The following SCAPER variants were observed in gnomAD, a reference collection of about 807,000 sequenced individuals.
The protein encoded by SCAPER is S phase cyclin A-associated protein in the endoplasmic reticulum.
Under a neutral mutation model 182.2 loss-of-function variants are expected in SCAPER, and 98 were observed. The observed-to-expected ratio is 0.54, with a 90% confidence interval of 0.46 to 0.64. The LOEUF (loss-of-function observed/expected upper bound fraction) is 0.64, where lower values mean the gene tolerates loss of function less well. SCAPER is among the 30% of genes least tolerant of loss of function. The pLI, the probability that SCAPER is intolerant of heterozygous loss-of-function variation, is 0.00. For missense variants in SCAPER, 1,432 were observed against 1,690.0 expected, an observed-to-expected ratio of 0.85 and a Z score of 2.68; for synonymous variants, 605 against 564.6, an observed-to-expected ratio of 1.07 and a Z score of -1.01.
intron 1 of SCAPER, among the ~76,000 whole-genome samples, chr15:76,891,112 T>C (rs1041337624): frequency 3.9e-5 from 6 of 152,146 alleles, no homozygotes; most frequent in African/African-American, 1.4e-4. Context: ...TTTGACAAAA[T>C]TCAACATCTC....
intron 5 of SCAPER, among the ~76,000 whole-genome samples, chr15:76,811,816 A>G (rs1384753873): frequency 6.6e-6 from 1 of 151,638 alleles, no homozygotes; most frequent in Non-Finnish European, 1.5e-5. Context: ...AAAATAAAAA[A>G]AATAAAATAA....
At chr15:76,807,968 C>A (rs1035881540) in intron 5 of SCAPER, among the ~76,000 whole-genome samples, 1 of 152,060 alleles carries the variant, frequency 6.6e-6, no homozygotes, top group Admixed American at 6.6e-5. Flanking sequence ...TCACAAATAG[C>A]GTCCCAACTT....
intron 3 of SCAPER, among the ~76,000 whole-genome samples, chr15:76,860,282 A>G (rs2071771934): frequency 6.6e-6 from 1 of 152,202 alleles, no homozygotes; most frequent in South Asian, 2.1e-4. Context: ...TTTGTAATAA[A>G]TCATGTTGAT....
chr15:76,366,988 G>A (rs2041858994), intron 29 of SCAPER, among the ~76,000 whole-genome samples: 1 of 152,224 alleles, frequency 6.6e-6, no homozygotes, highest in African/African-American at 2.4e-5. Context: ...TTGGTCCACA[G>A]AGGAACCCTG....
chr15:76,764,045 T>G (rs996300800), intron 14 of SCAPER, among the ~76,000 whole-genome samples: 1 of 152,196 alleles, frequency 6.6e-6, no homozygotes, highest in Non-Finnish European at 1.5e-5. Context: ...ATCCTTGCAT[T>G]GCTGTCTATG....
intron 1 of SCAPER, among the ~76,000 whole-genome samples, chr15:76,894,853 G>T (rs1315002604): frequency 6.6e-6 from 1 of 151,988 alleles, no homozygotes; most frequent in South Asian, 2.1e-4. Flanking sequence ...TAAAAAATCT[G>T]ACCAGATCAA....
intron 22 of SCAPER, among the ~76,000 whole-genome samples, chr15:76,581,376 T>C (rs754825836): frequency 6.6e-6 from 1 of 152,160 alleles, no homozygotes; most frequent in South Asian, 2.1e-4. Flanking sequence ...AATAGGTCAA[T>C]ATCCCTGATG....
At chr15:76,798,163 C>G (rs2065468034) in intron 7 of SCAPER, among the ~76,000 whole-genome samples, 1 of 151,924 alleles carries the variant, frequency 6.6e-6, no homozygotes, top group Non-Finnish European at 1.5e-5. Context: ...AATTTGAGAC[C>G]AGCCTAGCCA....
intron 9 of SCAPER, among the ~76,000 whole-genome samples, chr15:76,772,911 CCAGTTTGATTAATTATTTATA>C (rs2063548779): frequency 6.6e-6 from 1 of 151,790 alleles, no homozygotes; most frequent in African/African-American, 2.4e-5. Context: ...AAACCTCCCC[CCAGTTTGATTAATTATTTATA>C]CAAATATCAA....
intron 2 of SCAPER, among the ~76,000 whole-genome samples, chr15:76,876,639 A>T (rs1356583360): frequency 6.6e-6 from 1 of 152,166 alleles, no homozygotes; most frequent in Admixed American, 6.5e-5. Context: ...TATTAACAAC[A>T]TAAAGGAGAA....
intron 10 of SCAPER, among the ~76,000 whole-genome samples, chr15:76,768,909 G>T (rs2063278481): frequency 6.6e-6 from 1 of 151,812 alleles, no homozygotes; most frequent in South Asian, 2.1e-4. Context: ...ATTAAAGAAA[G>T]ATGTAATTCA....
chr15:76,581,450 ATCAT>A (rs1398332026), intron 22 of SCAPER, among the ~76,000 whole-genome samples: 7 of 152,232 alleles, frequency 4.6e-5, no homozygotes, highest in South Asian at 2.1e-4. Flanking sequence ...CATTAAAAAG[ATCAT>A]TCATTGTGAC....
chr15:76,559,363 G>A (rs145404426), intron 23 of SCAPER, among the ~76,000 whole-genome samples: 1,609 of 151,926 alleles, frequency 0.011, 37 homozygotes, highest in African/African-American at 0.037. Flanking sequence ...GCCGAGATCT[G>A]ATGGTTTTAT....
At chr15:76,418,100 C>T (rs2045783297) in intron 26 of SCAPER, among the ~76,000 whole-genome samples, 1 of 152,098 alleles carries the variant, frequency 6.6e-6, no homozygotes, top group Non-Finnish European at 1.5e-5. Context: ...GTGGTTGTCC[C>T]CCTCCACCCC....
At chr15:76,621,500 T>C (rs2052049681) in intron 22 of SCAPER, among the ~76,000 whole-genome samples, 2 of 152,174 alleles carry the variant, frequency 1.3e-5, no homozygotes. Flanking sequence ...GGTTGTCTTA[T>C]ACACTGAATA....
chr15:76,728,848 G>T, intron 16 of SCAPER, 111 bp from the exon 17 acceptor site: 1 of 1,126,944 alleles, frequency 8.9e-7, no homozygotes. Context: ...TAGAAACATG[G>T]GCTTGCCACT....
At chr15:76,856,257 G>C (rs895496543) in intron 4 of SCAPER, among the ~76,000 whole-genome samples, 1 of 151,962 alleles carries the variant, frequency 6.6e-6, no homozygotes, top group Non-Finnish European at 1.5e-5. Context: ...CAAACAGAGG[G>C]GCCTCCTTGA....
intron 14 of SCAPER, among the ~76,000 whole-genome samples, chr15:76,764,444 G>A (rs977706472): frequency 1.3e-5 from 2 of 152,246 alleles, no homozygotes; most frequent in East Asian, 3.8e-4. Context: ...TGGGGGCCAT[G>A]GCCAGCTGTG....
chr15:76,728,523 T>A, intron 17 of SCAPER, 72 bp downstream of exon 17: 1 of 1,593,744 alleles, frequency 6.3e-7, no homozygotes, highest in Non-Finnish European at 8.6e-7. Flanking sequence ...TACATGACAG[T>A]AAATGGCTTT....
Sources: gnomAD v4.1 joint callset for allele counts (sites outside exome capture counted in the v4.1 genomes callset) on GRCh38, gnomAD v4.1.1 for gene constraint, MANE v1.5 for transcripts, NCBI Gene and HGNC (gene_info 2026-07-23, HGNC 2026-07-21) for gene names.